FSTL4: variants seen among roughly 807,000 people sequenced by gnomAD.
FSTL4 encodes the protein follistatin-related protein 4.
Under a neutral mutation model 78.2 loss-of-function variants are expected in FSTL4, and 28 were observed. The ratio of observed to expected loss-of-function variants is 0.36; its 90% CI spans 0.27 to 0.49. The LOEUF (loss-of-function observed/expected upper bound fraction) is 0.49. FSTL4 is among the 20% of genes least tolerant of loss of function. FSTL4 has a pLI of 0.98. For synonymous variants in FSTL4, 422 were observed against 440.5 expected, an observed-to-expected ratio of 0.96 and a Z score of 0.53; for missense variants, 922 against 1,084.9, an observed-to-expected ratio of 0.85 and a Z score of 2.11.
chr5:133,385,933 G>GT (rs945859579), intron 4 of FSTL4, among the ~76,000 whole-genome samples: 25 of 151,470 alleles, frequency 1.7e-4, no homozygotes, highest in African/African-American at 4.4e-4. Flanking sequence ...ATGTGTGTGT[G>GT]TTTTTTTTTT....
chr5:133,260,777 T>C (rs1752501299), intron 6 of FSTL4, among the ~76,000 whole-genome samples: 1 of 152,194 alleles, frequency 6.6e-6, no homozygotes, highest in Non-Finnish European at 1.5e-5. Context: ...GCCCAATTGT[T>C]GGAAGGGCAG....
chr5:133,490,247 C>T (rs1374217235), intron 3 of FSTL4, among the ~76,000 whole-genome samples: 5 of 151,966 alleles, frequency 3.3e-5, no homozygotes, highest in Admixed American at 1.3e-4. Flanking sequence ...AAATTAATAA[C>T]AAACTGATCT....
intron 3 of FSTL4, among the ~76,000 whole-genome samples, chr5:133,553,304 T>C (rs568181697): frequency 6.6e-6 from 1 of 152,298 alleles, no homozygotes; most frequent in African/African-American, 2.4e-5. Flanking sequence ...CCTCCACATG[T>C]TCCCCTCCCA....
the FSTL4 span, among the ~76,000 whole-genome samples, chr5:133,775,093 A>G: frequency 1.3e-5 from 2 of 152,226 alleles, no homozygotes; most frequent in South Asian, 4.1e-4. Context: ...ACCTCTTGCC[A>G]AATAATGGGT....
chr5:133,772,840 TG>T, the FSTL4 span, among the ~76,000 whole-genome samples: 1 of 152,152 alleles, frequency 6.6e-6, no homozygotes, highest in East Asian at 1.9e-4. Flanking sequence ...TTTCTAATAA[TG>T]AACTCTGAGG....
intron 6 of FSTL4, among the ~76,000 whole-genome samples, chr5:133,251,357 C>T (rs6890910): frequency 0.61 from 93,403 of 152,100 alleles, 29,126 homozygotes; most frequent in East Asian, 0.85. Flanking sequence ...TGTGCCGCTG[C>T]TCCTGCCACC....
the FSTL4 span, among the ~76,000 whole-genome samples, chr5:133,775,791 A>G: frequency 7.7e-4 from 117 of 152,280 alleles, no homozygotes; most frequent in African/African-American, 2.7e-3. Flanking sequence ...GTTTACTGAC[A>G]TTTTGCACAG....
At chr5:133,383,821 A>ATCTG (rs1360505384) in intron 4 of FSTL4, among the ~76,000 whole-genome samples, 5 of 152,090 alleles carry the variant, frequency 3.3e-5, no homozygotes, top group Non-Finnish European at 7.4e-5. Flanking sequence ...TCTCAGACAA[A>ATCTG]AGTATCCTTA....
the FSTL4 span, among the ~76,000 whole-genome samples, chr5:133,643,516 C>T: frequency 6.6e-6 from 1 of 151,976 alleles, no homozygotes; most frequent in Non-Finnish European, 1.5e-5. Context: ...TGGGTGCCTG[C>T]CACGCCACCA....
At chr5:133,746,246 C>G in the FSTL4 span, among the ~76,000 whole-genome samples, 1 of 152,174 alleles carries the variant, frequency 6.6e-6, no homozygotes, top group Non-Finnish European at 1.5e-5. Context: ...CAATATATTA[C>G]TCTGAAGATC....
At chr5:133,735,876 C>T in the FSTL4 span, among the ~76,000 whole-genome samples, 1 of 152,216 alleles carries the variant, frequency 6.6e-6, no homozygotes, top group Non-Finnish European at 1.5e-5. Context: ...AACAAAACTG[C>T]ATCATGGTAG....
At chr5:133,514,407 A>G (rs528886015) in intron 3 of FSTL4, among the ~76,000 whole-genome samples, 1 of 152,302 alleles carries the variant, frequency 6.6e-6, no homozygotes, top group African/African-American at 2.4e-5. Flanking sequence ...TAGCATCCAC[A>G]TAGGAACCAG....
At chr5:133,381,243 A>C (rs250858) in intron 4 of FSTL4, among the ~76,000 whole-genome samples, 91,553 of 152,100 alleles carry the variant, frequency 0.6, 28,876 homozygotes, top group Middle Eastern at 0.71. Flanking sequence ...TCCAAATGGG[A>C]ATTAACCCAA....
At chr5:133,297,863 G>C (rs879925909) in intron 6 of FSTL4, among the ~76,000 whole-genome samples, 1 of 152,212 alleles carries the variant, frequency 6.6e-6, no homozygotes, top group Non-Finnish European at 1.5e-5. Flanking sequence ...GGGACAGGAT[G>C]CCAGGTGGGG....
intron 6 of FSTL4, among the ~76,000 whole-genome samples, chr5:133,276,132 T>G (rs1752877579): frequency 6.6e-6 from 1 of 152,184 alleles, no homozygotes; most frequent in Admixed American, 6.5e-5. Context: ...CAGAGAGCAA[T>G]CACAATGTTT....
At chr5:133,394,323 C>T (rs999600360) in intron 4 of FSTL4, among the ~76,000 whole-genome samples, 3 of 152,246 alleles carry the variant, frequency 2.0e-5, no homozygotes, top group African/African-American at 7.2e-5. Context: ...AGGCTGGAGC[C>T]AGCTCCCTCT....
the FSTL4 span, among the ~76,000 whole-genome samples, chr5:133,801,497 C>G: frequency 6.6e-6 from 1 of 152,178 alleles, no homozygotes; most frequent in South Asian, 2.1e-4. Flanking sequence ...TCTGACGCTC[C>G]GTACCACCTC....
At chr5:133,422,131 G>A (rs1186108876) in intron 3 of FSTL4, among the ~76,000 whole-genome samples, 1 of 152,096 alleles carries the variant, frequency 6.6e-6, no homozygotes, top group Non-Finnish European at 1.5e-5. Flanking sequence ...AAGGATGATT[G>A]GGATGAAGGA....
intron 4 of FSTL4, among the ~76,000 whole-genome samples, chr5:133,385,288 G>A (rs950083078): frequency 4.6e-5 from 7 of 152,252 alleles, no homozygotes; most frequent in East Asian, 3.8e-4. Flanking sequence ...CTATGAAATC[G>A]TGAAACACAA....
Sources: gnomAD v4.1 joint callset for allele counts (sites outside exome capture counted in the v4.1 genomes callset) on GRCh38, gnomAD v4.1.1 for gene constraint, MANE v1.5 for transcripts, NCBI Gene and HGNC (gene_info 2026-07-23, HGNC 2026-07-21) for gene names.